FRMPD4: variants seen among roughly 807,000 people sequenced by gnomAD.
FRMPD4 encodes FERM and PDZ domain-containing protein 4.
In FRMPD4, 22 loss-of-function variants were observed where a neutral mutation model predicts 94.1. The ratio of observed to expected loss-of-function variants is 0.23; its 90% CI spans 0.17 to 0.33. FRMPD4 has a LOEUF of 0.33. Among genes scored for constraint, FRMPD4 ranks in the 10% least tolerant of loss-of-function variants. The probability of loss-of-function intolerance (pLI) is 1.00; values close to 1 mark genes in which losing one functional copy is unlikely to be tolerated. For synonymous variants in FRMPD4, 631 were observed against 548.6 expected (o/e 1.15, Z -2.10); for missense variants, 1,111 against 1,339.9 (o/e 0.83, Z 2.67).
intron 2 of FRMPD4, among the ~76,000 whole-genome samples, chrX:12,582,169 A>C (rs758801442): frequency 8.9e-5 from 10 of 112,529 alleles, no homozygotes; most frequent in African/African-American, 1.6e-4. Context: ...ATATGCTATA[A>C]TCATGAATTA....
chrX:12,484,904 A>G, intron 1 of FRMPD4, among the ~76,000 whole-genome samples: 2 of 112,407 alleles, frequency 1.8e-5, no homozygotes, highest in Non-Finnish European at 3.8e-5. Flanking sequence ...ATAAGATGCA[A>G]TTGAAGTGCT....
At chrX:12,002,148 TC>T (rs2057392120) in intron 3 of FRMPD4, among the ~76,000 whole-genome samples, 1 of 111,683 alleles carries the variant, frequency 9.0e-6, no homozygotes, top group Non-Finnish European at 1.9e-5. Context: ...TCTCATGCAT[TC>T]TGTAGAGCAT....
chrX:12,393,734 T>C (rs936233403), intron 1 of FRMPD4, among the ~76,000 whole-genome samples: 1 of 112,103 alleles, frequency 8.9e-6, no homozygotes, highest in Non-Finnish European at 1.9e-5. Flanking sequence ...TCCAAAAAAA[T>C]TGGGAATTTG....
chrX:11,845,027 A>G (rs1479250732), intron 1 of FRMPD4, among the ~76,000 whole-genome samples: 2 of 112,068 alleles, frequency 1.8e-5, no homozygotes, highest in African/African-American at 6.5e-5. Flanking sequence ...ACACTTTTCA[A>G]TGTCAGAATT....
At chrX:12,006,590 G>A (rs2054555328) in intron 3 of FRMPD4, among the ~76,000 whole-genome samples, 1 of 111,446 alleles carries the variant, frequency 9.0e-6, no homozygotes, top group South Asian at 3.8e-4. Flanking sequence ...ATAATCACCT[G>A]GTGGCTGATA....
chrX:12,340,381 A>AGG (rs1229134883), intron 1 of FRMPD4, among the ~76,000 whole-genome samples: 1 of 111,882 alleles, frequency 8.9e-6, no homozygotes, highest in African/African-American at 3.3e-5. Flanking sequence ...GAGAGAAGAG[A>AGG]GAGAAAAACC....
chrX:12,300,310 C>T (rs2054839484), intron 1 of FRMPD4, among the ~76,000 whole-genome samples: 1 of 111,874 alleles, frequency 8.9e-6, no homozygotes, highest in Admixed American at 9.5e-5. Context: ...CCTTACTGAT[C>T]AAGGGCTGTT....
chrX:12,234,182 G>T (rs1265767333), intron 1 of FRMPD4, among the ~76,000 whole-genome samples: 2 of 110,822 alleles, frequency 1.8e-5, no homozygotes. Flanking sequence ...AAGGGGAGGT[G>T]TGTGTGTGTG....
upstream of FRMPD4, among the ~76,000 whole-genome samples, chrX:12,133,908 C>G (rs967804341): frequency 8.9e-6 from 1 of 112,490 alleles, no homozygotes; most frequent in East Asian, 2.8e-4. Context: ...ACCAGCCAGA[C>G]AGCTGACACT....
chrX:12,448,020 C>T (rs1296610681), intron 1 of FRMPD4, among the ~76,000 whole-genome samples: 1 of 111,624 alleles, frequency 9.0e-6, no homozygotes, highest in Admixed American at 9.5e-5. Context: ...AGAGGACTGT[C>T]GTGGTAAACA....
intron 1 of FRMPD4, among the ~76,000 whole-genome samples, chrX:12,416,531 A>G (rs367792235): frequency 2.7e-5 from 3 of 112,598 alleles, no homozygotes; most frequent in African/African-American, 9.6e-5. Flanking sequence ...TTTTCGATTT[A>G]TGTAAGATCT....
intron 1 of FRMPD4, among the ~76,000 whole-genome samples, chrX:12,319,798 T>G (rs920642005): frequency 5.3e-5 from 6 of 112,150 alleles, no homozygotes; most frequent in African/African-American, 1.9e-4. Context: ...ATGGTTTCAG[T>G]GCTTTCCTTG....
rs1306858633 is a variant in FRMPD4 at position 12,686,162 on chromosome X, G to A, written c.639G>A (p.Gly213=). 2.5e-6 allele frequency: 3 copies of A among 1,185,241 alleles called. No homozygotes were observed. The highest frequency in any genetic ancestry group is 3.4e-6 in the Non-Finnish European group (3 of 872,373). Residue 213 remains glycine, a synonymous_variant, in exon 7 of 17, where the codon GGG becomes GGA. Coordinates refer to ENST00000675598, the MANE Select transcript of FRMPD4 (RefSeq NM_001368397.1). ...PNVLKVYLEN[G]QTKSFRFDCS... ...TTTTGAAAGTCTATCTGGAAAATGG[G>A]CAGACCAAATCATTTCGTTTTGACT...
chrX:12,398,302 G>A (rs2056569789), intron 1 of FRMPD4, among the ~76,000 whole-genome samples: 1 of 111,799 alleles, frequency 8.9e-6, no homozygotes, highest in African/African-American at 3.3e-5. Flanking sequence ...CATAGTTCTC[G>A]AAATACTGGC....
chrX:12,493,086 G>T (rs2057808356), intron 1 of FRMPD4, among the ~76,000 whole-genome samples: 1 of 111,347 alleles, frequency 9.0e-6, no homozygotes, highest in Non-Finnish European at 1.9e-5. Context: ...AAACATGGCT[G>T]TCTTCAAAAC....
At chrX:12,509,436 G>C (rs895253981) in intron 2 of FRMPD4, among the ~76,000 whole-genome samples, 1 of 111,911 alleles carries the variant, frequency 8.9e-6, no homozygotes, top group African/African-American at 3.2e-5. Flanking sequence ...CATTCACAGC[G>C]ACCTGGATGG....
chrX:12,544,780 G>A (rs374146490), intron 2 of FRMPD4, among the ~76,000 whole-genome samples: 3 of 111,462 alleles, frequency 2.7e-5, no homozygotes, highest in East Asian at 5.6e-4. Context: ...CTAAACCTAT[G>A]TACCTAGCTG....
intron 4 of FRMPD4, among the ~76,000 whole-genome samples, chrX:12,635,416 TAGCA>T (rs2059434609): frequency 9.0e-6 from 1 of 110,863 alleles, no homozygotes; most frequent in African/African-American, 3.3e-5. Flanking sequence ...TTTCTCCAAG[TAGCA>T]TTAAGAATTT....
intron 3 of FRMPD4, among the ~76,000 whole-genome samples, chrX:11,927,192 G>A (rs1163338172): frequency 9.0e-6 from 1 of 110,746 alleles, no homozygotes; most frequent in Non-Finnish European, 1.9e-5. Flanking sequence ...CAGCTAATGG[G>A]GAGGTAAAAG....
Sources: gnomAD v4.1 joint callset for allele counts (sites outside exome capture counted in the v4.1 genomes callset) on GRCh38, gnomAD v4.1.1 for gene constraint, MANE v1.5 for transcripts, NCBI Gene and HGNC (gene_info 2026-07-23, HGNC 2026-07-21) for gene names.